Variants in RPS6KC1 observed in about 807,000 individuals in gnomAD.
RPS6KC1 encodes inactive ribosomal protein S6 kinase delta-1.
A neutral mutation model predicts 103.8 loss-of-function variants in RPS6KC1; 54 were observed. The observed-to-expected ratio is 0.52, with a 90% CI of 0.42 to 0.65. RPS6KC1 has a LOEUF of 0.65. RPS6KC1 is among the 30% of genes least tolerant of loss of function. The probability of loss-of-function intolerance (pLI) is 0.00; values close to 1 mark genes in which losing one functional copy is unlikely to be tolerated. For synonymous variants in RPS6KC1, 439 were observed against 438.7 expected (o/e 1.00, Z -0.01); for missense variants, 1,151 against 1,253.8 (o/e 0.92, Z 1.24).
chr1:213,623,464 T>C, the RPS6KC1 span, among the ~76,000 whole-genome samples: 1 of 152,074 alleles, frequency 6.6e-6, no homozygotes, highest in Non-Finnish European at 1.5e-5. Context: ...TAAAGAGAGA[T>C]AGCAATGTGT....
At chr1:213,786,980 T>A in the RPS6KC1 span, among the ~76,000 whole-genome samples, 2 of 152,230 alleles carry the variant, frequency 1.3e-5, no homozygotes, top group Admixed American at 6.5e-5. Flanking sequence ...ACAGTACAGA[T>A]AAATGAGAAT....
the RPS6KC1 span, among the ~76,000 whole-genome samples, chr1:213,811,006 G>T: frequency 2.6e-5 from 4 of 152,084 alleles, no homozygotes. Context: ...GACAACTCTG[G>T]ATTTAAAGAA....
At chr1:213,575,991 G>T in the RPS6KC1 span, among the ~76,000 whole-genome samples, 1 of 152,130 alleles carries the variant, frequency 6.6e-6, no homozygotes, top group Non-Finnish European at 1.5e-5. Flanking sequence ...AATGGGGGTT[G>T]TTTGACCCTC....
chr1:213,127,047 C>G (rs2085067959), intron 5 of RPS6KC1, among the ~76,000 whole-genome samples: 1 of 151,932 alleles, frequency 6.6e-6, no homozygotes, highest in Non-Finnish European at 1.5e-5. Context: ...GAATGCAGAT[C>G]TCAGTTATTT....
chr1:213,640,882 C>T, the RPS6KC1 span, among the ~76,000 whole-genome samples: 2 of 145,830 alleles, frequency 1.4e-5, no homozygotes, highest in Non-Finnish European at 3.0e-5. Context: ...ATAATTTTAT[C>T]CAGTTAGTTG....
intron 8 of RPS6KC1, among the ~76,000 whole-genome samples, chr1:213,199,000 A>G (rs2093054140): frequency 6.6e-6 from 1 of 151,918 alleles, no homozygotes; most frequent in Non-Finnish European, 1.5e-5. Flanking sequence ...TAAATAGCCT[A>G]CCACACCTCC....
the RPS6KC1 span, among the ~76,000 whole-genome samples, chr1:213,380,327 G>T: frequency 1.3e-5 from 2 of 152,162 alleles, no homozygotes; most frequent in Non-Finnish European, 2.9e-5. Flanking sequence ...GCCTACTGGA[G>T]AATGGAGGGC....
the RPS6KC1 span, among the ~76,000 whole-genome samples, chr1:213,557,712 T>G: frequency 2.0e-5 from 3 of 152,142 alleles, 1 homozygote; most frequent in South Asian, 6.2e-4. Context: ...GGCATGCCAG[T>G]GTTGTCTCTC....
chr1:213,282,555 C>G, the RPS6KC1 span, among the ~76,000 whole-genome samples: 1 of 152,250 alleles, frequency 6.6e-6, no homozygotes, highest in Non-Finnish European at 1.5e-5. Flanking sequence ...ATTTTAAAAA[C>G]TCAGCTCTTC....
chr1:213,591,178 C>A, the RPS6KC1 span, among the ~76,000 whole-genome samples: 1 of 152,248 alleles, frequency 6.6e-6, no homozygotes, highest in Admixed American at 6.5e-5. Flanking sequence ...GAGAAAGAAC[C>A]GAGAGATGCC....
the RPS6KC1 span, among the ~76,000 whole-genome samples, chr1:213,611,283 T>G: frequency 6.6e-6 from 1 of 152,146 alleles, no homozygotes; most frequent in Non-Finnish European, 1.5e-5. Context: ...CTTGGAAATT[T>G]GAGATAAATT....
chr1:213,661,964 A>G, the RPS6KC1 span, among the ~76,000 whole-genome samples: 1 of 152,190 alleles, frequency 6.6e-6, no homozygotes, highest in Non-Finnish European at 1.5e-5. Context: ...CCCCTAAAAG[A>G]TAGATTCTAC....
Position 213,242,673 on chromosome 1 carries a change from C to T in RPS6KC1, c.2911+15C>T. ...CTGTGCCCCAGGTTAGAGCAATCTC[C>T]TAAAATGTTTCACTTGAAAAAGTGG... On this transcript the variant is annotated intron_variant, in intron 12 of 14. Coordinates refer to ENST00000366960, the MANE Select transcript of RPS6KC1 (RefSeq NM_012424.6). The T allele has an allele frequency of 6.9e-6, 11 of 1,588,334 alleles. No homozygotes were observed. Among genetic ancestry groups the T allele is most frequent in the Non-Finnish European group, 9.5e-6 (11 of 1,160,642 alleles).
At chr1:213,725,906 A>C in the RPS6KC1 span, among the ~76,000 whole-genome samples, 1 of 152,104 alleles carries the variant, frequency 6.6e-6, no homozygotes, top group Admixed American at 6.5e-5. Flanking sequence ...CCAATTTGTG[A>C]CTCACTCTTT....
chr1:213,653,179 C>T, the RPS6KC1 span, among the ~76,000 whole-genome samples: 9 of 152,194 alleles, frequency 5.9e-5, no homozygotes, highest in Admixed American at 2.6e-4. Context: ...GCATTCTAGT[C>T]TGGGTGCAGT....
chr1:213,440,713 C>T, the RPS6KC1 span, among the ~76,000 whole-genome samples: 1 of 151,636 alleles, frequency 6.6e-6, no homozygotes, highest in African/African-American at 2.4e-5. Context: ...TTGGCCCTGT[C>T]AGAATGGGTA....
At chr1:213,200,886 G>T (rs191764240) in intron 8 of RPS6KC1, among the ~76,000 whole-genome samples, 2 of 152,094 alleles carry the variant, frequency 1.3e-5, no homozygotes, top group Non-Finnish European at 2.9e-5. Flanking sequence ...ACCACATACC[G>T]CATGTTCCTA....
the RPS6KC1 span, among the ~76,000 whole-genome samples, chr1:213,452,765 ACAGC>A: frequency 6.6e-6 from 1 of 152,152 alleles, no homozygotes; most frequent in Non-Finnish European, 1.5e-5. Flanking sequence ...GCGGGATCCC[ACAGC>A]CAGGATATAA....
the RPS6KC1 span, among the ~76,000 whole-genome samples, chr1:213,621,949 A>G: frequency 6.6e-6 from 1 of 152,162 alleles, no homozygotes; most frequent in Non-Finnish European, 1.5e-5. Context: ...TGGAAAGGAC[A>G]GCCTGTTTGG....
Sources: allele counts gnomAD v4.1 joint callset (sites outside exome capture counted in the v4.1 genomes callset), GRCh38; gene constraint gnomAD v4.1.1; transcripts MANE v1.5; gene names NCBI Gene and HGNC (gene_info 2026-07-23, HGNC 2026-07-21).